The following ARL14EPL variants were observed in gnomAD, a reference collection of about 807,000 sequenced individuals.
The protein encoded by ARL14EPL is ARF like GTPase 14 effector protein like.
In ARL14EPL, 17 loss-of-function variants were observed where a neutral mutation model predicts 15.9. That is an observed-to-expected ratio of 1.07 (90% CI 0.73 to 1.60). The LOEUF is 1.60. Ranked by LOEUF, ARL14EPL falls within the 40% of genes most tolerant of loss-of-function variation. The pLI, the probability that ARL14EPL is intolerant of heterozygous loss-of-function variation, is 0.00. For missense variants in ARL14EPL, 214 were observed against 185.9 expected (o/e 1.15, Z -0.88); for synonymous variants, 78 against 63.8 (o/e 1.22, Z -1.06).
intron 1 of ARL14EPL, among the ~76,000 whole-genome samples, chr5:116,035,555 A>G (rs1394140312): frequency 6.6e-6 from 1 of 152,238 alleles, no homozygotes; most frequent in African/African-American, 2.4e-5. Flanking sequence ...AGTAAGGCTG[A>G]GAAAACATCG....
At chr5:116,035,938 G>A (rs1044415641) in intron 1 of ARL14EPL, among the ~76,000 whole-genome samples, 2 of 152,238 alleles carry the variant, frequency 1.3e-5, no homozygotes, top group Non-Finnish European at 2.9e-5. Flanking sequence ...GAAACTGGAA[G>A]CAAACAGGAA....
At chr5:116,043,550 A>G (rs1749206299) in intron 1 of ARL14EPL, among the ~76,000 whole-genome samples, 1 of 152,182 alleles carries the variant, frequency 6.6e-6, no homozygotes, top group Admixed American at 6.5e-5. Flanking sequence ...AGTGATATAA[A>G]GTTCTCCTGA....
At chr5:116,042,533 G>A (rs1749180241) in intron 1 of ARL14EPL, among the ~76,000 whole-genome samples, 1 of 152,174 alleles carries the variant, frequency 6.6e-6, no homozygotes, top group South Asian at 2.1e-4. Context: ...CAGTAGAACA[G>A]CAGCTTGTTA....
intron 2 of ARL14EPL, 99 bp downstream of exon 2, chr5:116,051,660 A>C (rs1749382063): frequency 9.9e-7 from 1 of 1,005,324 alleles, no homozygotes. Context: ...GGGCCCAGGC[A>C]GGACCTCACA....
rs1454001435 is a variant in ARL14EPL, at chr5:116,045,722, A to T, written c.-9-5735A>T. The stretch of plus-strand genomic sequence containing the variant: ...TTAAATATACTGTATGTATTTTCAC[A>T]TTGTTTCATATAGACCCACAGAAGT... On this transcript the variant is annotated intron_variant, in intron 1 of 3. Coordinates refer to ENST00000686077, the MANE Select transcript of ARL14EPL (RefSeq NM_001195581.2). Among the ~76,000 whole-genome samples, 4 of 150,042 alleles carry T rather than the reference A, an allele frequency of 2.7e-5. No individual in the cohort carries two copies. The East Asian group carries it at 7.9e-4, about 30-fold the overall frequency.
At chr5:116,040,986 A>AAAAAAAAAAAAAAAAAG (rs1749145244) in intron 1 of ARL14EPL, among the ~76,000 whole-genome samples, 1 of 150,144 alleles carries the variant, frequency 6.7e-6, no homozygotes, top group East Asian at 1.9e-4. Context: ...TCTCAAAAAA[A>AAAAAAAAAAAAAAAAAG]AAAAAAAGTT....
Position 116,054,286 on chromosome 5 carries a change from C to T in ARL14EPL, c.236+133C>T, listed in dbSNP as rs970828980. 7.6e-6 allele frequency: 8 copies of T among 1,052,154 alleles called. No individual in the cohort carries two copies. In the African/African-American group the frequency reaches 1.3e-4, roughly 17 times the overall value. The allele number at this position is 1,052,154 out of a possible 1,614,324, so 65.2% of individuals were successfully genotyped here. ...TATCTCCTCTGAAATATAATAGTAC[C>T]CATGTGTCTGGACGTTAGCAACCTT... On this transcript the variant is annotated intron_variant, in intron 3 of 3. Transcript: ENST00000686077.
chr5:116,044,440 A>C (rs1295608581), intron 1 of ARL14EPL, among the ~76,000 whole-genome samples: 2 of 152,062 alleles, frequency 1.3e-5, no homozygotes, highest in African/African-American at 4.8e-5. Context: ...TTTTACTTAA[A>C]TGGTTTTAAC....
intron 1 of ARL14EPL, among the ~76,000 whole-genome samples, chr5:116,033,148 A>G (rs546889354): frequency 5.9e-5 from 9 of 151,548 alleles, no homozygotes; most frequent in African/African-American, 1.7e-4. Context: ...TGAAATAACA[A>G]CTCTCTGCTA....
intron 1 of ARL14EPL, among the ~76,000 whole-genome samples, chr5:116,045,550 G>C (rs1032867851): frequency 1.3e-5 from 2 of 152,196 alleles, no homozygotes; most frequent in African/African-American, 2.4e-5. Context: ...ATGCTGATCT[G>C]TCAGTGACCC....
At chr5:116,051,013 G>A (rs1749364852) in intron 1 of ARL14EPL, 1 of 152,610 alleles carries the variant, frequency 6.6e-6, no homozygotes, top group Admixed American at 6.5e-5. Flanking sequence ...CAAGGCTTTG[G>A]GGAGTCACTG....
chr5:116,051,983 T>G, intron 2 of ARL14EPL: 1 of 1,612,114 alleles, frequency 6.2e-7, no homozygotes. Flanking sequence ...AGCTCTGTGC[T>G]TTGAAACCAG....
At chr5:116,047,125 G>T (rs1282205913) in intron 1 of ARL14EPL, among the ~76,000 whole-genome samples, 1 of 152,194 alleles carries the variant, frequency 6.6e-6, no homozygotes, top group Admixed American at 6.5e-5. Flanking sequence ...AAGCCACTCA[G>T]TCTGTGATAT....
At chr5:116,049,070 G>A (rs557735704) in intron 1 of ARL14EPL, among the ~76,000 whole-genome samples, 2 of 152,226 alleles carry the variant, frequency 1.3e-5, no homozygotes, top group Admixed American at 6.5e-5. Flanking sequence ...GGCAAATCAA[G>A]GAGCATGCTT....
intron 1 of ARL14EPL, among the ~76,000 whole-genome samples, chr5:116,034,081 C>A (rs1327927204): frequency 6.6e-6 from 1 of 152,186 alleles, no homozygotes; most frequent in Non-Finnish European, 1.5e-5. Flanking sequence ...TCAGGATTCA[C>A]AGATACACAT....
chr5:116,048,804 G>T (rs1040202283), intron 1 of ARL14EPL, among the ~76,000 whole-genome samples: 1 of 152,112 alleles, frequency 6.6e-6, no homozygotes, highest in Non-Finnish European at 1.5e-5. Context: ...ATACCAGAGG[G>T]ATGGGATATT....
intron 3 of ARL14EPL, among the ~76,000 whole-genome samples, chr5:116,054,937 T>G (rs1212485922): frequency 1.3e-5 from 2 of 151,812 alleles, no homozygotes; most frequent in Non-Finnish European, 2.9e-5. Context: ...CATTAAAAAC[T>G]CCATAAAAAC....
intron 1 of ARL14EPL, among the ~76,000 whole-genome samples, chr5:116,047,884 A>C (rs1466487717): frequency 2.0e-5 from 3 of 152,200 alleles, no homozygotes; most frequent in African/African-American, 7.2e-5. Flanking sequence ...TCTAGTTTCT[A>C]TGGCCAGCCT....
chr5:116,053,266 C>T (rs1409669541), intron 2 of ARL14EPL, among the ~76,000 whole-genome samples: 1 of 150,896 alleles, frequency 6.6e-6, no homozygotes, highest in East Asian at 2.0e-4. Context: ...GTGGGAGGAT[C>T]ACTTGAGCCC....
Sources: allele counts gnomAD v4.1 joint callset (sites outside exome capture counted in the v4.1 genomes callset), GRCh38; gene constraint gnomAD v4.1.1; transcripts MANE v1.5; gene names NCBI Gene and HGNC (gene_info 2026-07-23, HGNC 2026-07-21).